The following ANKRD30A variants were observed in gnomAD, a reference collection of about 807,000 sequenced individuals.
ANKRD30A encodes ankyrin repeat domain 30A, also known as ankyrin repeat domain-containing protein 30A.
A neutral mutation model predicts 166.3 loss-of-function variants in ANKRD30A; 170 were observed. That is an observed-to-expected ratio of 1.02 (90% CI 0.90 to 1.16). The LOEUF (loss-of-function observed/expected upper bound fraction) is 1.16. Ranked by LOEUF, ANKRD30A falls within the 50% of genes most tolerant of loss-of-function variation. ANKRD30A has a pLI of 0.00. For missense variants in ANKRD30A, 1,630 were observed against 1,518.0 expected (o/e 1.07, Z -1.23); for synonymous variants, 564 against 508.9 (o/e 1.11, Z -1.46).
At chr10:37,167,399 G>T (rs1839442779) in intron 19 of ANKRD30A, among the ~76,000 whole-genome samples, 1 of 150,832 alleles carries the variant, frequency 6.6e-6, no homozygotes, top group African/African-American at 2.5e-5. Context: ...AGCAAATTGT[G>T]TTGGTAAAAT....
intron 18 of ANKRD30A, 124 bp from the exon 19 acceptor site, chr10:37,166,481 T>G (rs1454021937): frequency 1.1e-6 from 1 of 904,574 alleles, no homozygotes; most frequent in Non-Finnish European, 1.6e-6. Flanking sequence ...TATCTGCTCT[T>G]AAGTCGAATT....
At chr10:37,138,859 T>C (rs969653166) in intron 6 of ANKRD30A, among the ~76,000 whole-genome samples, 2 of 152,048 alleles carry the variant, frequency 1.3e-5, no homozygotes, top group Non-Finnish European at 2.9e-5. Context: ...AACATTCAAA[T>C]TCAGGAAATA....
At chr10:37,166,040 A>C (rs1275371201) in intron 18 of ANKRD30A, among the ~76,000 whole-genome samples, 2 of 152,084 alleles carry the variant, frequency 1.3e-5, no homozygotes, top group Non-Finnish European at 2.9e-5. Flanking sequence ...TCTCTCACCA[A>C]AAATTTTGTC....
intron 18 of ANKRD30A, among the ~76,000 whole-genome samples, chr10:37,166,331 G>A (rs1360122102): frequency 7.2e-5 from 11 of 152,206 alleles, no homozygotes; most frequent in African/African-American, 2.7e-4. Flanking sequence ...TTTGAAATAT[G>A]CACGAGTGAA....
intron 9 of ANKRD30A, 54 bp from the exon 10 acceptor site, chr10:37,149,597 G>A: frequency 1.3e-6 from 2 of 1,566,112 alleles, no homozygotes; most frequent in Non-Finnish European, 8.8e-7. Flanking sequence ...CATTCATTTG[G>A]TTGGCATTGT....
chr10:37,133,505 T>G (rs1836495957), intron 4 of ANKRD30A, among the ~76,000 whole-genome samples: 1 of 152,234 alleles, frequency 6.6e-6, no homozygotes, highest in East Asian at 1.9e-4. Flanking sequence ...TTAACTAAAC[T>G]TAGCATGACT....
the ANKRD30A span, among the ~76,000 whole-genome samples, chr10:37,249,549 T>C: frequency 2.0e-5 from 3 of 152,208 alleles, no homozygotes; most frequent in Non-Finnish European, 4.4e-5. Flanking sequence ...TTCATAATTT[T>C]ATGTTGTTTT....
At chr10:37,253,285 G>A in the ANKRD30A span, among the ~76,000 whole-genome samples, 1 of 152,176 alleles carries the variant, frequency 6.6e-6, no homozygotes, top group Non-Finnish European at 1.5e-5. Flanking sequence ...CTAGCCACAT[G>A]TGGCTATTGC....
the ANKRD30A span, chr10:37,241,067 T>C: frequency 6.6e-6 from 1 of 152,182 alleles, no homozygotes. Context: ...ATACATTTTT[T>C]TATTCTCACT....
chr10:37,165,687 A>G (rs1364232629), intron 18 of ANKRD30A, among the ~76,000 whole-genome samples: 1 of 152,138 alleles, frequency 6.6e-6, no homozygotes, highest in Non-Finnish European at 1.5e-5. Context: ...ACCTTGTGGG[A>G]GTATAATAAC....
chr10:37,251,451 A>G, the ANKRD30A span, among the ~76,000 whole-genome samples: 1 of 152,160 alleles, frequency 6.6e-6, no homozygotes, highest in African/African-American at 2.4e-5. Flanking sequence ...ACACAGGGTC[A>G]CCTTCAGGCT....
intron 34 of ANKRD30A, among the ~76,000 whole-genome samples, chr10:37,225,954 G>T (rs986385578): frequency 6.6e-6 from 1 of 151,544 alleles, no homozygotes; most frequent in Non-Finnish European, 1.5e-5. Context: ...TCACCTACCA[G>T]TTTCCCATTC....
At chr10:37,178,987 A>AT (rs1383417161) in intron 24 of ANKRD30A, among the ~76,000 whole-genome samples, 2 of 139,136 alleles carry the variant, frequency 1.4e-5, no homozygotes, top group African/African-American at 5.4e-5. Flanking sequence ...TGACTCATTA[A>AT]TTTTCTTTAT....
chr10:37,195,901 A>T (rs1841046588), intron 27 of ANKRD30A, among the ~76,000 whole-genome samples: 1 of 152,160 alleles, frequency 6.6e-6, no homozygotes, highest in Admixed American at 6.5e-5. Context: ...TAACAGGGTC[A>T]AGAGAATGCA....
chr10:37,143,508 G>T (rs1837294650), intron 7 of ANKRD30A, among the ~76,000 whole-genome samples: 1 of 152,118 alleles, frequency 6.6e-6, no homozygotes, highest in Admixed American at 6.5e-5. Context: ...ACAGAAAGTA[G>T]CCAGGTGTGG....
At chr10:37,158,914 T>G (rs986882791) in intron 15 of ANKRD30A, among the ~76,000 whole-genome samples, 4 of 152,226 alleles carry the variant, frequency 2.6e-5, no homozygotes, top group African/African-American at 7.2e-5. Flanking sequence ...GTTCAAAGGC[T>G]GATTGGAATT....
chr10:37,150,880 A>G (rs1249866796), intron 11 of ANKRD30A, among the ~76,000 whole-genome samples: 1 of 152,072 alleles, frequency 6.6e-6, no homozygotes, highest in South Asian at 2.1e-4. Context: ...TCCTTGTGCA[A>G]TCATACACTC....
intron 18 of ANKRD30A, among the ~76,000 whole-genome samples, chr10:37,165,527 A>G (rs1223251957): frequency 1.3e-5 from 2 of 152,148 alleles, no homozygotes; most frequent in South Asian, 2.1e-4. Flanking sequence ...TTCTAATTGT[A>G]TTCATAGAGA....
At chr10:37,136,986 G>A (rs1363209545) in intron 6 of ANKRD30A, among the ~76,000 whole-genome samples, 1 of 151,718 alleles carries the variant, frequency 6.6e-6, no homozygotes. Context: ...TAATACTTTT[G>A]TATAAATAAC....
Sources: allele counts gnomAD v4.1 joint callset (sites outside exome capture counted in the v4.1 genomes callset), GRCh38; gene constraint gnomAD v4.1.1; transcripts MANE v1.5; gene names NCBI Gene and HGNC (gene_info 2026-07-23, HGNC 2026-07-21).